Variants in RAPH1 observed in about 807,000 individuals in gnomAD.
RAPH1 encodes the protein Ras association (RalGDS/AF-6) and pleckstrin homology domains 1, also known as ras-associated and pleckstrin homology domains-containing protein 1.
In RAPH1, 18 loss-of-function variants were observed where a neutral mutation model predicts 88.1. That is an observed-to-expected ratio of 0.20 (90% CI 0.14 to 0.30). RAPH1 has a LOEUF of 0.30. RAPH1 is among the 10% of genes least tolerant of loss of function. The pLI is 1.00. For synonymous variants in RAPH1, 587 were observed against 559.0 expected, an observed-to-expected ratio of 1.05 and a Z score of -0.71; for missense variants, 1,448 against 1,543.2, an observed-to-expected ratio of 0.94 and a Z score of 1.03.
chr2:203,495,179 C>T (rs564907353), intron 2 of RAPH1, 55 bp downstream of exon 2: 6 of 1,605,726 alleles, frequency 3.7e-6, no homozygotes, highest in Non-Finnish European at 5.1e-6. Context: ...GCACATTAAA[C>T]TTTTAACACA....
rs1553630572 is a variant in RAPH1, at chr2:203,506,866, A to ATC, written c.1-11514_1-11513insGA. On this transcript the variant is annotated intron_variant, in intron 1 of 13. Coordinates refer to ENST00000319170, the MANE Select transcript of RAPH1 (RefSeq NM_213589.3). ...TATATCTATCTATATCTATATATAT[A>ATC]TATATATATATATAGATATATATAT... Among the ~76,000 whole-genome samples, 251 of 90,564 alleles carry ATC rather than the reference A, an allele frequency of 2.8e-3. 13 individuals are homozygous for ATC. The highest frequency in any genetic ancestry group is 1.0e-2 in the South Asian group (32 of 3,206). 59.4% of individuals were successfully genotyped at this position (90,564 alleles called of 152,430 possible).
At chr2:203,451,501 T>C (rs1396180694) in intron 10 of RAPH1, among the ~76,000 whole-genome samples, 1 of 152,174 alleles carries the variant, frequency 6.6e-6, no homozygotes, top group Non-Finnish European at 1.5e-5. Context: ...CTACCTCTGC[T>C]CCTTTTTTCC....
intron 1 of RAPH1, among the ~76,000 whole-genome samples, chr2:203,502,465 AT>A (rs926083960): frequency 1.5e-4 from 23 of 152,214 alleles, no homozygotes; most frequent in African/African-American, 5.5e-4. Context: ...AACTAGAACT[AT>A]TTTAACAGTT....
At position 203,437,411 on chromosome 2, in the gene RAPH1, A is replaced by ACTATGAGAAATTCATTCATGAATCACAG. The variant is rs1279119593; in HGVS notation, c.*1998_*2025dup. 3.3e-5 allele frequency: 5 copies of ACTATGAGAAATTCATTCATGAATCACAG among 152,206 alleles called. No homozygotes were observed. Among genetic ancestry groups the ACTATGAGAAATTCATTCATGAATCACAG allele is most frequent in the Non-Finnish European group, 7.3e-5 (5 of 68,036 alleles). The allele number at this position is 152,206 out of a possible 1,614,324, so 9.4% of individuals were successfully genotyped here. On this transcript the variant is annotated 3_prime_UTR_variant, in exon 14 of 14. Transcript: ENST00000319170. Reference sequence around the variant, plus strand: ...CAAACTATAAAACTGCAGGCAGAAGACTATGAGAAATTCATTCATGAATCA... The same window carrying ACTATGAGAAATTCATTCATGAATCACAG: ...CAAACTATAAAACTGCAGGCAGAAGACTATGAGAAATTCATTCATGAATCACAGCTATGAGAAATTCATTCATGAATCA...
At chr2:203,490,407 T>TAAC (rs1259492546) in intron 3 of RAPH1, among the ~76,000 whole-genome samples, 1 of 152,200 alleles carries the variant, frequency 6.6e-6, no homozygotes, top group Non-Finnish European at 1.5e-5. Context: ...ATATTGTTAA[T>TAAC]ATGATCAATG....
chr2:203,509,413 G>GA (rs1335247009), intron 1 of RAPH1, among the ~76,000 whole-genome samples: 3 of 151,988 alleles, frequency 2.0e-5, no homozygotes, highest in African/African-American at 7.2e-5. Flanking sequence ...AAGTAGGTCA[G>GA]AAAAAAATCA....
At chr2:203,449,350 C>T (rs1401550021) in intron 10 of RAPH1, among the ~76,000 whole-genome samples, 2 of 152,174 alleles carry the variant, frequency 1.3e-5, no homozygotes, top group Non-Finnish European at 2.9e-5. Context: ...TACAGTCACA[C>T]CTGTCACAGG....
At chr2:203,527,258 C>G (rs1379897373) in intron 1 of RAPH1, among the ~76,000 whole-genome samples, 1 of 151,994 alleles carries the variant, frequency 6.6e-6, no homozygotes, top group Non-Finnish European at 1.5e-5. Context: ...ACATATTTAT[C>G]CTTAACATAC....
chr2:203,476,460 C>G (rs1687458141), intron 4 of RAPH1, among the ~76,000 whole-genome samples: 1 of 152,124 alleles, frequency 6.6e-6, no homozygotes, highest in African/African-American at 2.4e-5. Context: ...TATGAGCCAA[C>G]ACACCCGGCC....
In RAPH1 at chr2:203,441,127, G is replaced by C. The variant is rs772351908; in HGVS notation, c.2063C>G (p.Thr688Arg). The C allele has an allele frequency of 1.2e-6, 2 of 1,612,574 alleles. No individual in the cohort carries two copies. Among genetic ancestry groups the C allele is most frequent in the South Asian group, 2.2e-5 (2 of 91,016 alleles). ...QHSGALFKPP[T>R]PPVMQSQSVK... Reference sequence around the variant, plus strand: ...TGACTGTGACTGCATCACTGGGGGTGTTGGCGGCTTAAACAGGGCCCCTGA... The same window carrying C: ...TGACTGTGACTGCATCACTGGGGGTCTTGGCGGCTTAAACAGGGCCCCTGA... Residue 688 changes from threonine to arginine, a missense_variant, in exon 14 of 14, where the codon ACA becomes AGA. Physicochemically the swap from Thr to Arg is moderately conservative, Grantham distance 71 (BLOSUM62 -1). Around this residue, in one of 2 missense-constraint regions of RAPH1, gnomAD observed 935 missense variants for 890.1 expected, o/e 1.05. Transcript: ENST00000319170.
chr2:203,478,315 C>T (rs908680422), intron 4 of RAPH1, among the ~76,000 whole-genome samples: 10 of 151,946 alleles, frequency 6.6e-5, no homozygotes, highest in Admixed American at 2.6e-4. Flanking sequence ...ATTACAGGCA[C>T]GAGCCACTGA....
Position 203,441,264 on chromosome 2 carries a change from T to TGGAGGA in RAPH1, c.1925_1926insTCCTCC (p.Pro647_Pro648dup). 1 of 161,084 alleles carries TGGAGGA rather than the reference T, an allele frequency of 6.2e-6. No individual in the cohort carries two copies. Among genetic ancestry groups the TGGAGGA allele is most frequent in the Non-Finnish European group, 9.2e-6 (1 of 108,376 alleles). 10.0% of individuals were successfully genotyped at this position (161,084 alleles called of 1,614,324 possible). ...TGGGGAGTGGGGGAGGAGGGGGTGG[T>TGGAGGA]GGAGGGGGTGGTGGAGGAGGAGGTG... On this transcript the variant is annotated inframe_insertion, in exon 14 of 14. Coordinates refer to ENST00000319170, the MANE Select transcript of RAPH1 (RefSeq NM_213589.3).
intron 12 of RAPH1, chr2:203,447,547 T>C (rs1559450338): frequency 1.3e-5 from 2 of 152,590 alleles, no homozygotes; most frequent in Admixed American, 6.5e-5. Context: ...AGAAGATTTA[T>C]GTTAAGATGT....
intron 7 of RAPH1, among the ~76,000 whole-genome samples, chr2:203,458,530 C>A (rs1239962596): frequency 6.6e-6 from 1 of 152,132 alleles, no homozygotes; most frequent in African/African-American, 2.4e-5. Flanking sequence ...TGCATATAAC[C>A]TATGCACATT....
chr2:203,468,575 G>C (rs765632616), intron 4 of RAPH1, among the ~76,000 whole-genome samples: 1 of 152,036 alleles, frequency 6.6e-6, no homozygotes, highest in Admixed American at 6.6e-5. Flanking sequence ...ACATGATTTA[G>C]AACTTCTTTA....
intron 1 of RAPH1, among the ~76,000 whole-genome samples, chr2:203,520,331 CA>C (rs33931481): frequency 4.2e-5 from 6 of 144,164 alleles, no homozygotes; most frequent in African/African-American, 5.1e-5. Context: ...GCCCCTGCCT[CA>C]AAAAAAAAAA....
intron 2 of RAPH1, among the ~76,000 whole-genome samples, chr2:203,494,185 G>C (rs1360548984): frequency 1.3e-5 from 2 of 151,858 alleles, no homozygotes; most frequent in African/African-American, 4.8e-5. Flanking sequence ...TTTTCCTTTA[G>C]TTAAGGAATC....
intron 4 of RAPH1, among the ~76,000 whole-genome samples, chr2:203,467,642 A>T (rs913666810): frequency 6.6e-6 from 1 of 151,972 alleles, no homozygotes; most frequent in Non-Finnish European, 1.5e-5. Context: ...ATACAGGAGG[A>T]CTTTTCATGT....
At position 203,459,999 on chromosome 2, in the gene RAPH1, C is replaced by T; in HGVS notation, c.1000G>A (p.Val334Ile). 6.2e-7 allele frequency: 1 copy of T among 1,609,926 alleles called. No homozygotes were observed. The highest frequency in any genetic ancestry group is 8.5e-7 in the Non-Finnish European group (1 of 1,177,046). ...CTTGTCCAATTAAGAAGATTTTCAA[C>T]CAAGTTTTCATGGTCTTCAAAGATT... ...ERIFEDHENL[V>I]ENLLNWTRDS... Residue 334 changes from valine (V) to isoleucine (I), a missense_variant, in exon 7 of 14, where the codon GTT becomes ATT. Transcript: ENST00000319170.
Sources: allele counts gnomAD v4.1 joint callset (sites outside exome capture counted in the v4.1 genomes callset), GRCh38; gene constraint gnomAD v4.1.1; regional missense constraint gnomAD v4.1.1; transcripts MANE v1.5; gene names NCBI Gene and HGNC (gene_info 2026-07-23, HGNC 2026-07-21).